FAM168A: variants seen among roughly 807,000 people sequenced by gnomAD.
The protein encoded by FAM168A is protein FAM168A.
In FAM168A, 3 loss-of-function variants were observed where a neutral mutation model predicts 28.5. The observed-to-expected ratio is 0.11, with a 90% CI of 0.05 to 0.27. FAM168A has a LOEUF of 0.27. Ranked by LOEUF, FAM168A falls within the 10% of genes least tolerant of loss-of-function variation. FAM168A has a pLI of 1.00. For synonymous variants in FAM168A, 122 were observed against 124.2 expected, an observed-to-expected ratio of 0.98 and a Z score of 0.12; for missense variants, 222 against 311.5, an observed-to-expected ratio of 0.71 and a Z score of 2.16.
intron 1 of FAM168A, among the ~76,000 whole-genome samples, chr11:73,552,367 A>C (rs752577145): frequency 7.9e-5 from 12 of 152,346 alleles, no homozygotes; most frequent in Non-Finnish European, 1.6e-4. Flanking sequence ...GGTAACATTT[A>C]ACACTCTCCT....
At chr11:73,530,970 G>C (rs1485498767) in intron 1 of FAM168A, among the ~76,000 whole-genome samples, 1 of 151,990 alleles carries the variant, frequency 6.6e-6, no homozygotes, top group Admixed American at 6.5e-5. Flanking sequence ...CTGCATCTGG[G>C]CTCTATGTTG....
At chr11:73,452,230 A>C (rs1867443608) in intron 2 of FAM168A, 2 of 152,284 alleles carry the variant, frequency 1.3e-5, no homozygotes, top group Admixed American at 1.3e-4. Context: ...GCTCTGCTTC[A>C]CCAAGGGAGC....
intron 1 of FAM168A, among the ~76,000 whole-genome samples, chr11:73,558,750 C>A (rs925242260): frequency 2.0e-5 from 3 of 151,934 alleles, no homozygotes; most frequent in African/African-American, 7.3e-5. Flanking sequence ...ATATATTATG[C>A]CATACTCATT....
chr11:73,546,096 A>G (rs1943748198), intron 1 of FAM168A, among the ~76,000 whole-genome samples: 1 of 152,152 alleles, frequency 6.6e-6, no homozygotes, highest in Non-Finnish European at 1.5e-5. Context: ...CTTTTTTTAT[A>G]AAAGCTTCTA....
chr11:73,439,003 C>G (rs550690701), intron 2 of FAM168A, among the ~76,000 whole-genome samples: 74 of 150,170 alleles, frequency 4.9e-4, no homozygotes, highest in African/African-American at 1.7e-3. Context: ...ATAAATAGAC[C>G]CTTGAATCTG....
At chr11:73,483,732 A>T (rs923387287) in intron 1 of FAM168A, among the ~76,000 whole-genome samples, 2 of 152,230 alleles carry the variant, frequency 1.3e-5, no homozygotes, top group Non-Finnish European at 2.9e-5. Flanking sequence ...GAGGTTTCTG[A>T]GGTAAGCATT....
intron 1 of FAM168A, among the ~76,000 whole-genome samples, chr11:73,550,619 C>T (rs1348143033): frequency 6.6e-6 from 1 of 152,078 alleles, no homozygotes; most frequent in Non-Finnish European, 1.5e-5. Flanking sequence ...CGTATCACTG[C>T]ACTCCAGCCT....
intron 2 of FAM168A, among the ~76,000 whole-genome samples, chr11:73,440,756 G>GA (rs1399991510): frequency 6.6e-6 from 1 of 152,126 alleles, no homozygotes; most frequent in Non-Finnish European, 1.5e-5. Context: ...ACAAAAGGGT[G>GA]AAAAAATTAA....
chr11:73,437,045 C>T (rs1415264841), intron 2 of FAM168A, among the ~76,000 whole-genome samples: 1 of 151,462 alleles, frequency 6.6e-6, no homozygotes, highest in Non-Finnish European at 1.5e-5. Flanking sequence ...TCACTCAGCA[C>T]AGGAATACCC....
In FAM168A at chr11:73,580,851, T is replaced by C. The variant is rs568715993; in HGVS notation, c.-19+17072A>G. Among the ~76,000 whole-genome samples the C allele has an allele frequency of 6.5e-4, 99 of 152,336 alleles. 2 individuals carry two copies. In the South Asian group the frequency reaches 0.019, roughly 30 times the overall value. The stretch of plus-strand genomic sequence containing the variant: ...GTGGTATGGAAAAACAAATTTGTTT[T>C]TATGTCCTCTTCTCCCTTTCTACCT... On this transcript the variant is annotated intron_variant, in intron 1 of 7. Coordinates refer to ENST00000356467, the MANE Select transcript of FAM168A (RefSeq NM_015159.3).
intron 1 of FAM168A, among the ~76,000 whole-genome samples, chr11:73,494,373 C>T (rs1854826439): frequency 6.6e-6 from 1 of 152,176 alleles, no homozygotes; most frequent in Admixed American, 6.5e-5. Context: ...CAAGAGATCT[C>T]CTGTGCTTAT....
At chr11:73,507,326 T>A (rs1042305473) in intron 1 of FAM168A, among the ~76,000 whole-genome samples, 2 of 152,114 alleles carry the variant, frequency 1.3e-5, no homozygotes, top group Non-Finnish European at 2.9e-5. Context: ...CCAAAAACAA[T>A]GTGAAGTGGT....
chr11:73,438,110 T>A (rs1026742449), intron 2 of FAM168A, among the ~76,000 whole-genome samples: 2 of 152,176 alleles, frequency 1.3e-5, no homozygotes, highest in Non-Finnish European at 2.9e-5. Flanking sequence ...ATCATCATCA[T>A]CATCATCGTC....
chr11:73,587,152 T>TAAAAAAA (rs1158411875), intron 1 of FAM168A, among the ~76,000 whole-genome samples: 1 of 81,386 alleles, frequency 1.2e-5, no homozygotes, highest in Admixed American at 1.4e-4. Flanking sequence ...ATGGACATGT[T>TAAAAAAA]AAAAAAAAAA....
At chr11:73,572,415 C>T (rs1317398745) in intron 1 of FAM168A, among the ~76,000 whole-genome samples, 2 of 151,810 alleles carry the variant, frequency 1.3e-5, no homozygotes, top group African/African-American at 2.4e-5. Flanking sequence ...ATGACAATGG[C>T]GGTTTTGTGG....
At chr11:73,480,699 AAAAC>A (rs147757702) in intron 1 of FAM168A, among the ~76,000 whole-genome samples, 6,763 of 151,696 alleles carry the variant, frequency 0.045, 495 homozygotes, top group African/African-American at 0.15. Flanking sequence ...ACCATTTTAC[AAAAC>A]AAACAAACAA....
chr11:73,420,394 T>C (rs1866771318), intron 3 of FAM168A, among the ~76,000 whole-genome samples: 1 of 152,202 alleles, frequency 6.6e-6, no homozygotes, highest in African/African-American at 2.4e-5. Context: ...TGAGCACTCT[T>C]TGTTGTCTGA....
intron 1 of FAM168A, among the ~76,000 whole-genome samples, chr11:73,526,346 G>A (rs1441911729): frequency 6.6e-6 from 1 of 152,130 alleles, no homozygotes; most frequent in East Asian, 1.9e-4. Context: ...AATATCTAAT[G>A]TTGGCAGGGT....
chr11:73,532,343 G>A (rs1943524206), intron 1 of FAM168A, among the ~76,000 whole-genome samples: 4 of 152,144 alleles, frequency 2.6e-5, no homozygotes, highest in Admixed American at 1.3e-4. Flanking sequence ...GTACACCGCA[G>A]GAGTAATGTA....
Sources: gnomAD v4.1 joint callset for allele counts (sites outside exome capture counted in the v4.1 genomes callset) on GRCh38, gnomAD v4.1.1 for gene constraint, MANE v1.5 for transcripts, NCBI Gene and HGNC (gene_info 2026-07-23, HGNC 2026-07-21) for gene names.